ITFG1: variants seen among roughly 807,000 people sequenced by gnomAD.
ITFG1 encodes the protein T-cell immunomodulatory protein.
A neutral mutation model predicts 81.8 loss-of-function variants in ITFG1; 34 were observed. That is an observed-to-expected ratio of 0.42 (90% CI 0.32 to 0.55). The LOEUF is 0.55. ITFG1 is among the 20% of genes least tolerant of loss of function. ITFG1 has a pLI of 0.17. For missense variants in ITFG1, 672 were observed against 755.4 expected, an observed-to-expected ratio of 0.89 and a Z score of 1.29; for synonymous variants, 285 against 270.6, an observed-to-expected ratio of 1.05 and a Z score of -0.52.
intron 8 of ITFG1, among the ~76,000 whole-genome samples, chr16:47,329,663 C>T (rs894948331): frequency 7.2e-5 from 11 of 152,124 alleles, no homozygotes; most frequent in African/African-American, 2.4e-4. Flanking sequence ...GAGTTTTATA[C>T]ATGTATTATC....
At chr16:47,404,802 AGCAGTC>A (rs1306406823) in intron 6 of ITFG1, among the ~76,000 whole-genome samples, 10 of 152,306 alleles carry the variant, frequency 6.6e-5, no homozygotes, top group African/African-American at 2.4e-4. Flanking sequence ...TTGTAATCAA[AGCAGTC>A]TTTCCAATTA....
intron 12 of ITFG1, among the ~76,000 whole-genome samples, chr16:47,258,121 G>A (rs552164378): frequency 2.0e-5 from 3 of 152,322 alleles, no homozygotes; most frequent in Admixed American, 1.3e-4. Context: ...GAAACTTGGT[G>A]ATCATCAAGG....
rs149012114 is a variant in ITFG1, at chr16:47,175,342, A to G, written c.1454-12678T>C. On this transcript the variant is annotated intron_variant, in intron 14 of 17. Transcript: ENST00000320640. ...AATTTTAATTAAATTAATTATATTA[A>G]TACATAAATTATTTAATAATTTAAA... Among the ~76,000 whole-genome samples the G allele has an allele frequency of 1.1e-3, 159 of 150,736 alleles. 4 individuals carry two copies. Among genetic ancestry groups the G allele is most frequent in the Admixed American group, 7.5e-3 (114 of 15,138 alleles).
At chr16:47,262,527 A>C (rs998827396) in intron 10 of ITFG1, among the ~76,000 whole-genome samples, 2 of 152,228 alleles carry the variant, frequency 1.3e-5, no homozygotes, top group African/African-American at 4.8e-5. Flanking sequence ...TCTATAATCT[A>C]TGCATCATAT....
At chr16:47,407,728 G>A (rs770102559) in intron 6 of ITFG1, among the ~76,000 whole-genome samples, 1 of 152,142 alleles carries the variant, frequency 6.6e-6, no homozygotes, top group African/African-American at 2.4e-5. Context: ...TGGTTTAGGA[G>A]GAAAGATCAG....
At chr16:47,309,107 C>T (rs573324309) in intron 10 of ITFG1, among the ~76,000 whole-genome samples, 110 of 144,846 alleles carry the variant, frequency 7.6e-4, no homozygotes, top group African/African-American at 2.4e-3. Context: ...CTTGCTCTGT[C>T]GCCCAGGCTG....
At chr16:47,185,329 T>A (rs1173600210) in intron 14 of ITFG1, among the ~76,000 whole-genome samples, 2 of 152,320 alleles carry the variant, frequency 1.3e-5, no homozygotes, top group African/African-American at 4.8e-5. Flanking sequence ...ATATACATTT[T>A]TTCAGCACCA....
intron 6 of ITFG1, among the ~76,000 whole-genome samples, chr16:47,400,457 TACACACAC>T (rs111375193): frequency 7.3e-4 from 100 of 137,044 alleles, no homozygotes; most frequent in Admixed American, 1.8e-3. Context: ...AGAGTCACTT[TACACACAC>T]ACACACACAC....
intron 14 of ITFG1, among the ~76,000 whole-genome samples, chr16:47,193,488 A>G (rs1965317834): frequency 6.6e-6 from 1 of 152,166 alleles, no homozygotes; most frequent in Non-Finnish European, 1.5e-5. Context: ...TGAGCCCAAG[A>G]GTTCAAGGCC....
At chr16:47,232,533 G>C (rs1372911345) in intron 13 of ITFG1, among the ~76,000 whole-genome samples, 1 of 152,078 alleles carries the variant, frequency 6.6e-6, no homozygotes, top group Non-Finnish European at 1.5e-5. Flanking sequence ...ATACTCTAGG[G>C]GGAGGATGGG....
At chr16:47,332,712 A>T (rs1967651977) in intron 8 of ITFG1, among the ~76,000 whole-genome samples, 1 of 152,194 alleles carries the variant, frequency 6.6e-6, no homozygotes, top group South Asian at 2.1e-4. Flanking sequence ...GATCAGACAG[A>T]CAGGGAGAGG....
At chr16:47,336,949 C>A (rs1441465901) in intron 8 of ITFG1, among the ~76,000 whole-genome samples, 3 of 145,982 alleles carry the variant, frequency 2.1e-5, no homozygotes, top group East Asian at 2.0e-4. Flanking sequence ...TGGGACACAG[C>A]GAGACTCCAT....
chr16:47,258,731 C>T lies in ITFG1; in HGVS notation c.1231G>A (p.Asp411Asn). 6.8e-7 allele frequency: 1 copy of T among 1,469,042 alleles called. No individual in the cohort carries two copies. The highest frequency in any genetic ancestry group is 9.1e-7 in the Non-Finnish European group (1 of 1,094,200). The allele number at this position is 1,469,042 out of a possible 1,614,324, so 91.0% of individuals were successfully genotyped here. Reference sequence around the variant, plus strand: ...TATCCTTTACTTAGCACTACAATGTCCAAGATTCCCTGGAAAAAAACAAAC... The same window carrying T: ...TATCCTTTACTTAGCACTACAATGTTCAAGATTCCCTGGAAAAAAACAAAC... ...FFDIYEDGIL[D>N]IVVLSKGYTK... The change falls in exon 12 of 18, where the codon GAC becomes AAC. Residue 411 changes from aspartate (D) to asparagine (N), a missense_variant. Physicochemically the swap from Asp to Asn is conservative, Grantham distance 23. Coordinates refer to ENST00000320640, the MANE Select transcript of ITFG1 (RefSeq NM_030790.5).
At chr16:47,451,174 G>T (rs1315452592) in intron 5 of ITFG1, among the ~76,000 whole-genome samples, 1 of 152,160 alleles carries the variant, frequency 6.6e-6, no homozygotes, top group Admixed American at 6.6e-5. Flanking sequence ...GACCCGTAAA[G>T]TTTCAATCTC....
intron 14 of ITFG1, among the ~76,000 whole-genome samples, chr16:47,213,632 G>A (rs929405269): frequency 2.0e-5 from 3 of 152,144 alleles, no homozygotes; most frequent in Non-Finnish European, 4.4e-5. Context: ...GCTGAAGGTT[G>A]AGCTGATTAC....
intron 10 of ITFG1, among the ~76,000 whole-genome samples, chr16:47,301,527 G>C (rs1156813285): frequency 2.0e-5 from 3 of 151,688 alleles, no homozygotes; most frequent in African/African-American, 7.3e-5. Flanking sequence ...CTCCCGAGTA[G>C]GTGGGACTAC....
At chr16:47,352,815 C>T (rs1967982230) in intron 8 of ITFG1, among the ~76,000 whole-genome samples, 1 of 152,176 alleles carries the variant, frequency 6.6e-6, no homozygotes, top group African/African-American at 2.4e-5. Flanking sequence ...ACCCAAATGT[C>T]CAACAATGAC....
intron 6 of ITFG1, among the ~76,000 whole-genome samples, chr16:47,376,980 A>AAAATAAAAAAAAAAT (rs1968333970): frequency 6.7e-6 from 1 of 150,076 alleles, no homozygotes; most frequent in African/African-American, 2.5e-5. Flanking sequence ...AAAAAAAAAA[A>AAAATAAAAAAAAAAT]AAAAAAAAAA....
intron 6 of ITFG1, among the ~76,000 whole-genome samples, chr16:47,387,938 A>T (rs917543356): frequency 1.4e-5 from 2 of 144,254 alleles, no homozygotes; most frequent in Admixed American, 7.0e-5. Flanking sequence ...CAAATATGTT[A>T]AAAAAAAAAA....
Sources: allele counts gnomAD v4.1 joint callset (sites outside exome capture counted in the v4.1 genomes callset), GRCh38; gene constraint gnomAD v4.1.1; transcripts MANE v1.5; gene names NCBI Gene and HGNC (gene_info 2026-07-23, HGNC 2026-07-21).